Variants in ADAMTSL1 observed in about 807,000 individuals in gnomAD.
ADAMTSL1 encodes the protein ADAMTS like 1.
ADAMTSL1 carries 126 observed loss-of-function variants against 201.8 expected under a neutral mutation model. The observed-to-expected ratio is 0.62, with a 90% CI of 0.54 to 0.72. The LOEUF (loss-of-function observed/expected upper bound fraction) is 0.72, where lower values mean the gene tolerates loss of function less well. Ranked by LOEUF, ADAMTSL1 falls within the 30% of genes least tolerant of loss-of-function variation. The pLI, the probability that ADAMTSL1 is intolerant of heterozygous loss-of-function variation, is 0.00. For synonymous variants in ADAMTSL1, 1,121 were observed against 903.4 expected (o/e 1.24, Z -4.32); for missense variants, 2,679 against 2,277.8 (o/e 1.18, Z -3.59).
intron 3 of ADAMTSL1, among the ~76,000 whole-genome samples, chr9:18,564,863 T>C (rs927382382): frequency 1.2e-4 from 19 of 152,182 alleles, no homozygotes; most frequent in Middle Eastern, 3.2e-3. Context: ...AAGGAATGAA[T>C]ATTTTCAAAA....
rs1349176636 is a variant in ADAMTSL1, at chr9:18,742,881, C to A, written c.2007-10417C>A. On this transcript the variant is annotated intron_variant, in intron 15 of 28. Transcript: ENST00000380548. Reference sequence around the variant, plus strand: ...GAAGAAACACAACAATAGAGGACACCATTCATGATGCGAGTAATTTCTTCT... The same window carrying A: ...GAAGAAACACAACAATAGAGGACACAATTCATGATGCGAGTAATTTCTTCT... Among the ~76,000 whole-genome samples, 7 of 152,076 alleles carry A rather than the reference C, an allele frequency of 4.6e-5. No homozygotes were observed. In the East Asian group the frequency reaches 1.3e-3, roughly 29 times the overall value.
Position 18,310,774 on chromosome 9 carries a change from A to G in ADAMTSL1, c.207+146793A>G, listed in dbSNP as rs544514094. 4.6e-5 allele frequency among the ~76,000 whole-genome samples: 7 copies of G among 152,294 alleles called. No individual in the cohort carries two copies. In the East Asian group the frequency reaches 1.3e-3, roughly 29 times the overall value. On this transcript the variant is annotated intron_variant, in intron 2 of 29. Coordinates refer to the ADAMTSL1 transcript ENST00000680146. ...GTTGGTGGGAGCGTAAATTAGTTCAACCATTGTGGAAGGCACTGTGGCAAT... is the reference window on the plus strand; with the variant it reads ...GTTGGTGGGAGCGTAAATTAGTTCAGCCATTGTGGAAGGCACTGTGGCAAT...
At chr9:17,997,161 A>G (rs1016555252) in intron 1 of ADAMTSL1, among the ~76,000 whole-genome samples, 3 of 152,116 alleles carry the variant, frequency 2.0e-5, no homozygotes, top group Non-Finnish European at 4.4e-5. Context: ...TTGGAGCCTA[A>G]CTGAAACTTG....
At chr9:18,582,387 A>G (rs1326547671) in intron 4 of ADAMTSL1, among the ~76,000 whole-genome samples, 1 of 152,168 alleles carries the variant, frequency 6.6e-6, no homozygotes, top group Non-Finnish European at 1.5e-5. Flanking sequence ...ATTGTTTGAT[A>G]TGGTTTGGCT....
At chr9:18,138,718 G>T (rs1826265587) in intron 1 of ADAMTSL1, among the ~76,000 whole-genome samples, 1 of 152,108 alleles carries the variant, frequency 6.6e-6, no homozygotes, top group Non-Finnish European at 1.5e-5. Context: ...AAAAAAAGGA[G>T]GGTGAGGTTA....
chr9:18,536,441 C>CTACT (rs1819779227), intron 3 of ADAMTSL1, among the ~76,000 whole-genome samples: 1 of 130,206 alleles, frequency 7.7e-6, no homozygotes, highest in African/African-American at 2.9e-5. Flanking sequence ...TCCCCAGTTT[C>CTACT]CCTTTTTTTT....
At position 17,961,085 on chromosome 9, in the gene ADAMTSL1, C is replaced by T. The variant is rs117357576; in HGVS notation, c.87+54163C>T. On this transcript the variant is annotated intron_variant, in intron 1 of 29. Coordinates refer to the ADAMTSL1 transcript ENST00000680146. ...CCTTGGAAATTTAGAAGTTTTGAGG[C>T]AGGTTAGCACAATATCTCCAAAGGG... Among the ~76,000 whole-genome samples the T allele has an allele frequency of 8.2e-4, 125 of 152,218 alleles. 2 individuals are homozygous for T. The East Asian group carries it at 0.018, about 22-fold the overall frequency.
chr9:18,143,257 A>G (rs767483905), intron 1 of ADAMTSL1, among the ~76,000 whole-genome samples: 1 of 152,202 alleles, frequency 6.6e-6, no homozygotes, highest in Non-Finnish European at 1.5e-5. Context: ...GAGGAACCCC[A>G]TGGAGCCTCT....
At position 18,467,100 on chromosome 9, in the gene ADAMTSL1, G is replaced by A. The variant is rs116329338; in HGVS notation, c.208-37729G>A. ...AGTTACGTAAAGGGTGCTGTACTCC[G>A]TTCTGTGAATACAAGAGTTTGTAAT... On this transcript the variant is annotated intron_variant, in intron 2 of 29. Transcript: ENST00000680146. Among the ~76,000 whole-genome samples, 630 of 152,120 alleles carry A rather than the reference G, an allele frequency of 4.1e-3. 7 individuals are homozygous for A. The highest frequency in any genetic ancestry group is 0.014 in the African/African-American group (593 of 41,496).
intron 4 of ADAMTSL1, among the ~76,000 whole-genome samples, chr9:18,607,847 G>T (rs945807920): frequency 1.3e-5 from 2 of 151,740 alleles, no homozygotes; most frequent in African/African-American, 2.4e-5. Context: ...TTGTCATTGC[G>T]ATAGTTTGCC....
At chr9:17,996,948 A>G (rs1362174118) in intron 1 of ADAMTSL1, among the ~76,000 whole-genome samples, 1 of 152,160 alleles carries the variant, frequency 6.6e-6, no homozygotes, top group Non-Finnish European at 1.5e-5. Flanking sequence ...TTAACTGGAG[A>G]TAACAGCTTA....
chr9:18,283,373 G>C (rs1187761171), intron 2 of ADAMTSL1, among the ~76,000 whole-genome samples: 1 of 151,990 alleles, frequency 6.6e-6, no homozygotes, highest in Non-Finnish European at 1.5e-5. Context: ...GGGAGGCCAA[G>C]GCAGGAGGAT....
chr9:18,217,406 G>A (rs988904672), intron 2 of ADAMTSL1, among the ~76,000 whole-genome samples: 5 of 151,994 alleles, frequency 3.3e-5, no homozygotes, highest in African/African-American at 1.2e-4. Context: ...CAAAGAAGTA[G>A]CATTACCCCT....
At chr9:18,102,660 AG>A (rs1324080845) in intron 1 of ADAMTSL1, among the ~76,000 whole-genome samples, 5 of 152,216 alleles carry the variant, frequency 3.3e-5, no homozygotes, top group Non-Finnish European at 7.3e-5. Context: ...GTTTGTGCAA[AG>A]GTACCAAGGG....
intron 1 of ADAMTSL1, among the ~76,000 whole-genome samples, chr9:18,046,363 G>A (rs1821659092): frequency 6.6e-6 from 1 of 152,144 alleles, no homozygotes; most frequent in South Asian, 2.1e-4. Flanking sequence ...CAAGGTGGCT[G>A]TTCCAGCATT....
chr9:18,680,063 G>A (rs1188169366), intron 10 of ADAMTSL1, among the ~76,000 whole-genome samples: 1 of 152,156 alleles, frequency 6.6e-6, no homozygotes, highest in Non-Finnish European at 1.5e-5. Context: ...TATCTTTGTG[G>A]ACAGCTCTCA....
intron 1 of ADAMTSL1, among the ~76,000 whole-genome samples, chr9:18,121,419 T>TA (rs1825492131): frequency 6.6e-6 from 1 of 152,192 alleles, no homozygotes; most frequent in African/African-American, 2.4e-5. Flanking sequence ...ACAATTTCAT[T>TA]ATAGGGTCAG....
intron 2 of ADAMTSL1, among the ~76,000 whole-genome samples, chr9:18,249,068 C>T (rs1172880093): frequency 9.9e-5 from 15 of 152,118 alleles, no homozygotes; most frequent in Non-Finnish European, 1.5e-5. Context: ...GAGGAAAGAG[C>T]TCTAGATCCC....
chr9:18,473,375 T>G (rs2131757367), upstream of ADAMTSL1, among the ~76,000 whole-genome samples: 1 of 152,242 alleles, frequency 6.6e-6, no homozygotes, highest in East Asian at 1.9e-4. Flanking sequence ...TTGTTGAGGG[T>G]TTCTTTTTAA....
Sources: allele counts gnomAD v4.1 joint callset (sites outside exome capture counted in the v4.1 genomes callset), GRCh38; gene constraint gnomAD v4.1.1; transcripts MANE v1.5; gene names NCBI Gene and HGNC (gene_info 2026-07-23, HGNC 2026-07-21).